The following ENPP3 variants were observed in gnomAD, a reference collection of about 807,000 sequenced individuals.
The protein encoded by ENPP3 is ectonucleotide pyrophosphatase/phosphodiesterase family member 3.
In ENPP3, 104 loss-of-function variants were observed where a neutral mutation model predicts 117.8. The observed-to-expected ratio is 0.88, with a 90% CI of 0.75 to 1.04. The LOEUF (loss-of-function observed/expected upper bound fraction) is 1.04. Among genes scored for constraint, ENPP3 ranks in the 50% least tolerant of loss-of-function variants. ENPP3 has a pLI of 0.00. For missense variants in ENPP3, 1,026 were observed against 1,051.9 expected, an observed-to-expected ratio of 0.98 and a Z score of 0.34; for synonymous variants, 380 against 349.9, an observed-to-expected ratio of 1.09 and a Z score of -0.96.
chr6:131,733,696 A>G lies in ENPP3; in HGVS notation c.2062A>G (p.Ile688Val), dbSNP rs146479377. 1 of 1,614,086 alleles carries G rather than the reference A, an allele frequency of 6.2e-7. No homozygotes were observed. Among genetic ancestry groups the G allele is most frequent in the Non-Finnish European group, 8.5e-7 (1 of 1,179,962 alleles). Residue 688 changes from isoleucine (I) to valine (V), a missense_variant, in exon 21 of 25, where the codon ATC becomes GTC. Transcript: ENST00000357639. The stretch of plus-strand genomic sequence containing the variant: ...TTCCTTCTATTTAGCAGACAAGAAT[A>G]TCACCCACGGCTTCCTCTATCCTCC... ...KCSFYLADKN[I>V]THGFLYPPAS... is the part of the protein sequence containing the mutation.
At position 131,641,442 on chromosome 6, in the gene ENPP3, C is replaced by CT; in HGVS notation, c.79-8dup. 3 of 1,590,114 alleles carry CT rather than the reference C, an allele frequency of 1.9e-6. No individual in the cohort carries two copies. In the South Asian group the frequency reaches 3.4e-5, roughly 18 times the overall value. On this transcript the variant is annotated splice_polypyrimidine_tract_variant and intron_variant, in intron 1 of 24. Transcript: ENST00000357639. ...AAAAAATTATAAAAGTTACTTTTTCCTTTTTGCAATAGGTTCTTCTTGCTT... is the reference window on the plus strand; with the variant it reads ...AAAAAATTATAAAAGTTACTTTTTCCTTTTTTGCAATAGGTTCTTCTTGCTT...
rs539560911 is a variant in ENPP3, at chr6:131,733,826, G to A, written c.2089+103G>A. On this transcript the variant is annotated intron_variant, in intron 21 of 24. Coordinates refer to ENST00000357639, the MANE Select transcript of ENPP3 (RefSeq NM_005021.5). ...ACTCCCCACCAAAACTACCTGCTTGGGTAAGCTAGCTGCCTGAGAGGCTTC... is the reference window on the plus strand; with the variant it reads ...ACTCCCCACCAAAACTACCTGCTTGAGTAAGCTAGCTGCCTGAGAGGCTTC... The A allele has an allele frequency of 3.2e-4, 396 of 1,250,306 alleles. 1 individual carries two copies. Among genetic ancestry groups the A allele is most frequent in the Middle Eastern group, 2.3e-3 (11 of 4,828 alleles). 77.5% of individuals were successfully genotyped at this position (1,250,306 alleles called of 1,614,324 possible).
intron 7 of ENPP3, among the ~76,000 whole-genome samples, chr6:131,671,799 A>T (rs1274242451): frequency 1.3e-5 from 2 of 152,202 alleles, no homozygotes; most frequent in Admixed American, 6.5e-5. Context: ...AGCAAGTGAT[A>T]TAAAAAAGAT....
rs144096816 is a variant in ENPP3, at chr6:131,689,131, A to T, written c.1284+3224A>T. Reference sequence around the variant, plus strand: ...CAGAAAAGTGCAAGGTGAAGCAGCAAGTATTTGTGGTGACATAGAAGCTGC... The same window carrying T: ...CAGAAAAGTGCAAGGTGAAGCAGCATGTATTTGTGGTGACATAGAAGCTGC... On this transcript the variant is annotated intron_variant, in intron 14 of 24. Transcript: ENST00000357639. 2.4e-3 allele frequency among the ~76,000 whole-genome samples: 362 copies of T among 152,268 alleles called. 6 individuals are homozygous for T. The highest frequency in any genetic ancestry group is 0.017 in the East Asian group (87 of 5,176).
At chr6:131,664,486 A>G (rs1166918244) in intron 6 of ENPP3, among the ~76,000 whole-genome samples, 1 of 152,204 alleles carries the variant, frequency 6.6e-6, no homozygotes, top group African/African-American at 2.4e-5. Context: ...AGGTTAATTG[A>G]TTATTGAAAA....
intron 20 of ENPP3, among the ~76,000 whole-genome samples, chr6:131,727,766 A>T (rs1207284152): frequency 6.6e-6 from 1 of 152,170 alleles, no homozygotes; most frequent in Non-Finnish European, 1.5e-5. Context: ...ACCACCCACC[A>T]CATGGGTAAA....
intron 14 of ENPP3, among the ~76,000 whole-genome samples, chr6:131,688,927 G>C (rs189911173): frequency 1.3e-5 from 2 of 151,024 alleles, no homozygotes; most frequent in Non-Finnish European, 2.9e-5. Context: ...ATAGCCAGGC[G>C]TGGTTTTGGG....
At chr6:131,662,577 A>T (rs1778526116) in intron 6 of ENPP3, among the ~76,000 whole-genome samples, 1 of 152,150 alleles carries the variant, frequency 6.6e-6, no homozygotes, top group African/African-American at 2.4e-5. Context: ...ATCTGTTTTT[A>T]TGCCAGTAAC....
intron 9 of ENPP3, among the ~76,000 whole-genome samples, chr6:131,676,477 T>C (rs566369576): frequency 6.6e-6 from 1 of 152,306 alleles, no homozygotes; most frequent in East Asian, 1.9e-4. Context: ...TCATAATCAA[T>C]TGTCTTTTAT....
Position 131,726,159 on chromosome 6 carries a change from A to G in ENPP3, c.1912A>G (p.Met638Val). ...ATATGTCAGTGGATTTGGAAAAGCT[A>G]TGAGGATGCCCATGTGGAGTTCATA... ...REYVSGFGKA[M>V]RMPMWSSYTV... Residue 638 changes from methionine to valine, a missense_variant, in exon 20 of 25, where the codon ATG (methionine) becomes GTG (valine). Physicochemically the swap from Met to Val is conservative, Grantham distance 21. Transcript: ENST00000357639. 6.2e-7 allele frequency: 1 copy of G among 1,614,068 alleles called. No homozygotes were observed. Among genetic ancestry groups the G allele is most frequent in the Non-Finnish European group, 8.5e-7 (1 of 1,179,946 alleles).
chr6:131,730,213 G>A (rs930689097), intron 20 of ENPP3, among the ~76,000 whole-genome samples: 11 of 152,090 alleles, frequency 7.2e-5, no homozygotes, highest in African/African-American at 1.7e-4. Context: ...ATATACCAGC[G>A]GTCTATGGGG....
At chr6:131,652,805 C>A in intron 4 of ENPP3, 26 bp from the exon 5 acceptor site, 1 of 1,606,030 alleles carries the variant, frequency 6.2e-7, no homozygotes, top group South Asian at 1.1e-5. Context: ...CAGCAAGTAT[C>A]AAGATTTTGA....
chr6:131,668,306 G>A (rs1199783174), intron 6 of ENPP3, among the ~76,000 whole-genome samples: 2 of 143,616 alleles, frequency 1.4e-5, no homozygotes, highest in Middle Eastern at 3.4e-3. Flanking sequence ...TCCGCTTCTC[G>A]GGTTCCAGTG....
Position 131,674,263 on chromosome 6 carries a change from C to T in ENPP3, c.744C>T (p.Ala248=), listed in dbSNP as rs995723265. 3.0e-5 allele frequency: 49 copies of T among 1,613,700 alleles called. No individual in the cohort carries two copies. The highest frequency in any genetic ancestry group is 4.0e-5 in the Non-Finnish European group (47 of 1,179,722). ...SLSSKEQNNP[A]WWHGQPMWLT... is the part of the protein sequence containing the mutation. ...CTTCAAAGGAACAAAATAATCCAGC[C>T]TGGTGGCATGGGCAACCAGTATGTA... The change falls in exon 8 of 25, where the codon GCC becomes GCT. Residue 248 remains alanine (A), a synonymous_variant. Coordinates refer to ENST00000357639, the MANE Select transcript of ENPP3 (RefSeq NM_005021.5).
chr6:131,742,190 A>G (rs768126015), intron 24 of ENPP3, among the ~76,000 whole-genome samples: 1 of 152,122 alleles, frequency 6.6e-6, no homozygotes, highest in Non-Finnish European at 1.5e-5. Flanking sequence ...AACTATCAGG[A>G]GATGTTGTTG....
Position 131,720,359 on chromosome 6 carries a change from A to G in ENPP3, c.1547A>G (p.Glu516Gly), listed in dbSNP as rs1386342248. ...KTEVEPFENI[E>G]VYNLMCDLLR... ...GAAGTTGAACCATTTGAAAATATTG[A>G]AGTCTATAACCTAATGTGTGGTAAG... is the stretch of plus-strand genomic sequence containing the variant. The change falls in exon 17 of 25, where the codon GAA (glutamate) becomes GGA (glycine). Residue 516 changes from glutamate to glycine, a missense_variant. Transcript: ENST00000357639. 2 of 1,585,886 alleles carry G rather than the reference A, an allele frequency of 1.3e-6. No individual in the cohort carries two copies. The highest frequency in any genetic ancestry group is 8.6e-7 in the Non-Finnish European group (1 of 1,160,248).
chr6:131,654,785 G>A (rs1226626390), intron 5 of ENPP3, among the ~76,000 whole-genome samples: 3 of 152,156 alleles, frequency 2.0e-5, no homozygotes, highest in Non-Finnish European at 4.4e-5. Context: ...TTTTAAAAAT[G>A]AGTATAAATA....
chr6:131,710,876 C>T, intron 15 of ENPP3: 1 of 1,610,280 alleles, frequency 6.2e-7, no homozygotes, highest in East Asian at 2.2e-5. Flanking sequence ...CCAATAACAG[C>T]TGCACATACC....
Position 131,668,254 on chromosome 6 carries a change from C to CGAG in ENPP3, c.563-2992_563-2990dup, listed in dbSNP as rs573511208. ...TTGAGATGGAGTCTTGCTCTGTCGC[C>CGAG]GAGGCTGGAGCACAGTGGCACGATC... On this transcript the variant is annotated intron_variant, in intron 6 of 24. Coordinates refer to ENST00000357639, the MANE Select transcript of ENPP3 (RefSeq NM_005021.5). Among the ~76,000 whole-genome samples, 14 of 135,988 alleles carry CGAG rather than the reference C, an allele frequency of 1.0e-4. No individual in the cohort carries two copies. In the South Asian group the frequency reaches 3.5e-3, roughly 34 times the overall value. 89.2% of individuals were successfully genotyped at this position (135,988 alleles called of 152,430 possible). A position where few individuals can be genotyped will look rare whatever the true frequency, so the allele number is the denominator to read the frequency against.
Sources: allele counts gnomAD v4.1 joint callset (sites outside exome capture counted in the v4.1 genomes callset), GRCh38; gene constraint gnomAD v4.1.1; transcripts MANE v1.5; gene names NCBI Gene and HGNC (gene_info 2026-07-23, HGNC 2026-07-21).